Variants in SLC4A4 observed in about 807,000 individuals in gnomAD.
The protein encoded by SLC4A4 is solute carrier family 4 member 4.
Under a neutral mutation model 111.5 loss-of-function variants are expected in SLC4A4, and 27 were observed. The ratio of observed to expected loss-of-function variants is 0.24; its 90% CI spans 0.18 to 0.33. SLC4A4 has a LOEUF of 0.33. SLC4A4 is among the 10% of genes least tolerant of loss of function. SLC4A4 has a pLI of 1.00. For missense variants in SLC4A4, 909 were observed against 1,315.5 expected (o/e 0.69, Z 4.78); for synonymous variants, 443 against 463.4 (o/e 0.96, Z 0.57).
intron 2 of SLC4A4, among the ~76,000 whole-genome samples, chr4:71,113,157 C>T (rs906438875): frequency 7.9e-5 from 12 of 152,202 alleles, no homozygotes; most frequent in African/African-American, 2.9e-4. Context: ...GGAGACTGCC[C>T]AGAGTTCCTC....
At chr4:71,248,159 G>C (rs138564616) in intron 2 of SLC4A4, among the ~76,000 whole-genome samples, 2 of 152,144 alleles carry the variant, frequency 1.3e-5, no homozygotes, top group East Asian at 3.9e-4. Flanking sequence ...CCTCCTCTAG[G>C]TGAATGTTCT....
At chr4:71,112,911 G>A (rs1170180270) in intron 2 of SLC4A4, among the ~76,000 whole-genome samples, 1 of 152,164 alleles carries the variant, frequency 6.6e-6, no homozygotes, top group Non-Finnish European at 1.5e-5. Flanking sequence ...AGGTATCATT[G>A]TCCTTCCTTA....
At chr4:71,426,996 A>G (rs958194013) in intron 7 of SLC4A4, among the ~76,000 whole-genome samples, 2 of 152,108 alleles carry the variant, frequency 1.3e-5, no homozygotes, top group African/African-American at 2.4e-5. Flanking sequence ...TAAGAAATAC[A>G]TTGTAGTATG....
At chr4:71,352,277 A>G (rs1274197154) in intron 5 of SLC4A4, among the ~76,000 whole-genome samples, 2 of 152,206 alleles carry the variant, frequency 1.3e-5, no homozygotes, top group Non-Finnish European at 2.9e-5. Flanking sequence ...GCATAAATGT[A>G]GGGCAAACTG....
chr4:71,561,974 G>T (rs960875136), intron 23 of SLC4A4, among the ~76,000 whole-genome samples: 1 of 151,816 alleles, frequency 6.6e-6, no homozygotes, highest in Non-Finnish European at 1.5e-5. Flanking sequence ...AGAAAAAATA[G>T]TAAAATATCA....
chr4:71,438,472 A>G (rs920237669), intron 7 of SLC4A4, among the ~76,000 whole-genome samples: 3 of 152,230 alleles, frequency 2.0e-5, no homozygotes, highest in Non-Finnish European at 4.4e-5. Context: ...CTTTAAAAAG[A>G]GTATTGTAAC....
chr4:71,274,943 A>G (rs551510125), intron 3 of SLC4A4, among the ~76,000 whole-genome samples: 33 of 152,284 alleles, frequency 2.2e-4, no homozygotes, highest in African/African-American at 7.7e-4. Flanking sequence ...GCAAAATAAA[A>G]CAAAAACTCA....
rs138028851 is a variant in SLC4A4 at position 71,207,557 on chromosome 4, A to G, written c.-2+20156A>G. On this transcript the variant is annotated intron_variant, in intron 1 of 25. Transcript: ENST00000264485. ...AAAAACTAAATGAAGTCACTTGACT[A>G]TGAAATACACTTTAAAATATTGAAA... Among the ~76,000 whole-genome samples the G allele has an allele frequency of 2.4e-4, 36 of 152,354 alleles. No individual in the cohort carries two copies. In the East Asian group the frequency reaches 5.8e-3, roughly 24 times the overall value.
chr4:71,394,067 A>T lies in SLC4A4; in HGVS notation c.731-3510A>T, dbSNP rs529791543. ...CCTGCAACTATAAAAATTATAGAAG[A>T]TAACATTGGAAAAACCCTTATAAAC... is the stretch of plus-strand genomic sequence containing the variant. On this transcript the variant is annotated intron_variant, in intron 6 of 25. Transcript: ENST00000264485. 2.3e-3 allele frequency among the ~76,000 whole-genome samples: 353 copies of T among 152,330 alleles called. 1 individual carries two copies. Among genetic ancestry groups the T allele is most frequent in the Non-Finnish European group, 4.2e-3 (283 of 68,032 alleles).
Position 71,476,379 on chromosome 4 carries a change from A to G in SLC4A4, c.1903+3409A>G, listed in dbSNP as rs146164111. 3.7e-3 allele frequency among the ~76,000 whole-genome samples: 563 copies of G among 151,836 alleles called. 4 individuals carry two copies. The highest frequency in any genetic ancestry group is 0.013 in the African/African-American group (540 of 41,490). On this transcript the variant is annotated intron_variant, in intron 14 of 25. Transcript: ENST00000264485. ...AGACTGGCCTTTCATCACAACGTGCACTCTTAGTAAAATAATTCAATGAGT... is the reference window on the plus strand; with the variant it reads ...AGACTGGCCTTTCATCACAACGTGCGCTCTTAGTAAAATAATTCAATGAGT...
chr4:71,069,659 T>C (rs1426323845), intron 1 of SLC4A4, among the ~76,000 whole-genome samples: 2 of 152,190 alleles, frequency 1.3e-5, no homozygotes, highest in Admixed American at 6.5e-5. Flanking sequence ...TAAAACCAGT[T>C]TTCTCAACAT....
chr4:71,272,169 T>A lies in SLC4A4; in HGVS notation c.253+16770T>A, dbSNP rs562211489. On this transcript the variant is annotated intron_variant, in intron 3 of 25. Coordinates refer to ENST00000264485, the MANE Select transcript of SLC4A4 (RefSeq NM_001098484.3). Reference sequence around the variant, plus strand: ...TGTTTTACAGGACCCAGATTATAGGTTGGTCTTCTGTAAACATCATTTCTC... The same window carrying A: ...TGTTTTACAGGACCCAGATTATAGGATGGTCTTCTGTAAACATCATTTCTC... Among the ~76,000 whole-genome samples the A allele has an allele frequency of 1.1e-4, 16 of 152,348 alleles. No individual in the cohort carries two copies. In the South Asian group the frequency reaches 3.3e-3, roughly 32 times the overall value.
At chr4:71,181,993 C>T (rs141570330) in intron 2 of SLC4A4, among the ~76,000 whole-genome samples, 102 of 152,302 alleles carry the variant, frequency 6.7e-4, no homozygotes, top group African/African-American at 2.4e-3. Context: ...GATAGTTGGA[C>T]ACCCTCTTCA....
chr4:71,532,280 C>A, intron 17 of SLC4A4, 105 bp downstream of exon 17: 1 of 784,800 alleles, frequency 1.3e-6, no homozygotes. Context: ...TACAATTATC[C>A]ATATTTTTTT....
intron 2 of SLC4A4, among the ~76,000 whole-genome samples, chr4:71,094,291 G>C (rs76053021): frequency 6.6e-6 from 1 of 152,152 alleles, no homozygotes; most frequent in Admixed American, 6.6e-5. Flanking sequence ...CTCACATATT[G>C]ATGATCAGAG....
chr4:71,405,880 C>G (rs528516538), intron 7 of SLC4A4, among the ~76,000 whole-genome samples: 3 of 152,232 alleles, frequency 2.0e-5, no homozygotes, highest in Non-Finnish European at 4.4e-5. Context: ...TTTTCCTGAT[C>G]TAATTGGACG....
chr4:71,103,839 C>A (rs1405145877), intron 2 of SLC4A4, among the ~76,000 whole-genome samples: 2 of 148,780 alleles, frequency 1.3e-5, no homozygotes, highest in Non-Finnish European at 3.0e-5. Flanking sequence ...AAAATTGACA[C>A]CCTAACATCA....
rs77274656 is a variant in SLC4A4, at chr4:71,081,321, C to T, written c.-64-11409C>T. On this transcript the variant is annotated intron_variant, in intron 1 of 26. Transcript: ENST00000649996. ...ATTCATGCAGAGCCTGGGCTTAGAG[C>T]TCACCACTGAGATTCCCAAACTGGG... 3.8e-3 allele frequency among the ~76,000 whole-genome samples: 581 copies of T among 152,242 alleles called. 8 individuals are homozygous for T. Among genetic ancestry groups the T allele is most frequent in the African/African-American group, 0.013 (555 of 41,478 alleles).
Position 71,397,557 on chromosome 4 carries a change from G to A in SLC4A4, c.731-20G>A. 1 of 1,606,914 alleles carries A rather than the reference G, an allele frequency of 6.2e-7. No homozygotes were observed. Among genetic ancestry groups the A allele is most frequent in the African/African-American group, 1.3e-5 (1 of 74,856 alleles). Reference sequence around the variant, plus strand: ...TATTGAAAAGAAGTCTTTAATTAGAGTTTACTTGTGTTTTTCCAGGTAGCC... The same window carrying A: ...TATTGAAAAGAAGTCTTTAATTAGAATTTACTTGTGTTTTTCCAGGTAGCC... On this transcript the variant is annotated intron_variant, in intron 6 of 25. Transcript: ENST00000264485.
Sources: gnomAD v4.1 joint callset for allele counts (sites outside exome capture counted in the v4.1 genomes callset) on GRCh38, gnomAD v4.1.1 for gene constraint, MANE v1.5 for transcripts, NCBI Gene and HGNC (gene_info 2026-07-23, HGNC 2026-07-21) for gene names.